The following AKAP13 variants were observed in gnomAD, a reference collection of about 807,000 sequenced individuals.
The protein encoded by AKAP13 is A-kinase anchoring protein 13, also known as A-kinase anchor protein 13.
A neutral mutation model predicts 264.5 loss-of-function variants in AKAP13; 80 were observed. That is an observed-to-expected ratio of 0.30 (90% CI 0.25 to 0.36). The LOEUF (loss-of-function observed/expected upper bound fraction) is 0.36, where lower values mean the gene tolerates loss of function less well. Among genes scored for constraint, AKAP13 ranks in the 10% least tolerant of loss-of-function variants. AKAP13 has a pLI of 1.00. For missense variants in AKAP13, 3,712 were observed against 3,435.2 expected, an observed-to-expected ratio of 1.08 and a Z score of -2.01; for synonymous variants, 1,380 against 1,250.2, an observed-to-expected ratio of 1.10 and a Z score of -2.19.
At chr15:85,636,640 A>G (rs116215977) in intron 8 of AKAP13, among the ~76,000 whole-genome samples, 1,948 of 148,850 alleles carry the variant, frequency 0.013, 45 homozygotes, top group African/African-American at 0.045. Context: ...TTTGAGGCAG[A>G]TTCTTGCTTT....
At position 85,410,216 on chromosome 15, in the gene AKAP13, C is replaced by T. The variant is rs191136233; in HGVS notation, c.-12+29418C>T. 1.8e-3 allele frequency among the ~76,000 whole-genome samples: 266 copies of T among 151,612 alleles called. 2 individuals are homozygous for T. The highest frequency in any genetic ancestry group is 3.4e-3 in the Middle Eastern group (1 of 294). On this transcript the variant is annotated intron_variant, in intron 1 of 36. Transcript: ENST00000394518. ...ATAAGCATCATGACCATGACTTCCC[C>T]GGGCTGGTCGCTCATCACCAGCTGT... is the stretch of plus-strand genomic sequence containing the variant.
intron 5 of AKAP13, chr15:85,555,378 C>T: frequency 8.0e-7 from 1 of 1,244,896 alleles, no homozygotes; most frequent in Non-Finnish European, 1.1e-6. Flanking sequence ...TGGAGCGAAA[C>T]ACGCCTTTAG....
At chr15:85,735,695 A>G in intron 32 of AKAP13, 65 bp downstream of exon 32, 1 of 1,463,320 alleles carries the variant, frequency 6.8e-7, no homozygotes, top group Non-Finnish European at 9.4e-7. Flanking sequence ...TAACCTTTGA[A>G]ATTATTTCAC....
intron 1 of AKAP13, among the ~76,000 whole-genome samples, chr15:85,442,481 A>T (rs1239283024): frequency 1.7e-5 from 2 of 117,108 alleles, no homozygotes; most frequent in Non-Finnish European, 3.4e-5. Flanking sequence ...TATATTATAT[A>T]ATATATATAA....
intron 5 of AKAP13, among the ~76,000 whole-genome samples, chr15:85,544,746 T>C (rs1340129108): frequency 6.6e-6 from 1 of 152,242 alleles, no homozygotes; most frequent in East Asian, 1.9e-4. Context: ...TTATTAGTTT[T>C]GTGGTTATCA....
At position 85,663,173 on chromosome 15, in the gene AKAP13, G is replaced by A. The variant is rs892274790; in HGVS notation, c.4800-1390G>A. Among the ~76,000 whole-genome samples, 7 of 152,104 alleles carry A rather than the reference G, an allele frequency of 4.6e-5. No individual in the cohort carries two copies. The East Asian group carries it at 7.7e-4, about 17-fold the overall frequency. On this transcript the variant is annotated intron_variant, in intron 12 of 36. Coordinates refer to ENST00000394518, the MANE Select transcript of AKAP13 (RefSeq NM_007200.5). The stretch of plus-strand genomic sequence containing the variant: ...AAAAATACAAAAATTGGCCAGACAC[G>A]GTAGCAGGTGCCTGTAATCCCAGCT...
intron 1 of AKAP13, among the ~76,000 whole-genome samples, chr15:85,458,420 A>G (rs1409539310): frequency 9.8e-6 from 1 of 102,162 alleles, no homozygotes; most frequent in Non-Finnish European, 1.8e-5. Context: ...CTATATATGT[A>G]TGGAGTGCAA....
rs537287872 is a variant in AKAP13 at position 85,525,045 on chromosome 15, T to C, written c.181+3470T>C. ...ACGTGGAGACTTTGACTTTCTATTT[T>C]ATCTATCTTTAAATTTTTTTTTTTT... On this transcript the variant is annotated intron_variant, in intron 3 of 36. Transcript: ENST00000394518. Among the ~76,000 whole-genome samples the C allele has an allele frequency of 2.7e-5, 4 of 148,640 alleles. No homozygotes were observed. The South Asian group carries it at 8.4e-4, about 31-fold the overall frequency.
intron 18 of AKAP13, among the ~76,000 whole-genome samples, chr15:85,709,925 T>TGATC (rs2086543918): frequency 6.6e-6 from 1 of 152,040 alleles, no homozygotes. Context: ...TGACCTGAGG[T>TGATC]GATCCACCCA....
In AKAP13 at chr15:85,719,152, G is replaced by A. The variant is rs79991499; in HGVS notation, c.6078G>A (p.Ala2026=). ...GTGTGTACAGCCAGGGGATGATGGC[G>A]GATCTGCTTTTTGAGCAGCAGATGG... The part of the protein sequence containing the change: ...MSGVYSQGMM[A]DLLFEQQMVE... The change falls in exon 23 of 37, where the codon GCG becomes GCA. Residue 2026 remains alanine, a synonymous_variant. Coordinates refer to ENST00000394518, the MANE Select transcript of AKAP13 (RefSeq NM_007200.5). 4.4e-3 allele frequency: 7,060 copies of A among 1,614,138 alleles called. 32 individuals carry two copies. Among genetic ancestry groups the A allele is most frequent in the Middle Eastern group, 0.016 (96 of 6,062 alleles).
At position 85,570,565 on chromosome 15, in the gene AKAP13, A is replaced by G. The variant is rs552877052; in HGVS notation, c.663-4566A>G. Reference sequence around the variant, plus strand: ...CCCTGAAGGAAAGAGGAAGAGGAAGACAGAACATGTTTCAGTGCGTTCAGC... The same window carrying G: ...CCCTGAAGGAAAGAGGAAGAGGAAGGCAGAACATGTTTCAGTGCGTTCAGC... On this transcript the variant is annotated intron_variant, in intron 5 of 36. Transcript: ENST00000394518. Among the ~76,000 whole-genome samples, 7 of 152,316 alleles carry G rather than the reference A, an allele frequency of 4.6e-5. No individual in the cohort carries two copies. In the South Asian group the frequency reaches 1.2e-3, roughly 27 times the overall value.
intron 1 of AKAP13, among the ~76,000 whole-genome samples, chr15:85,465,723 G>A (rs1285317443): frequency 4.0e-5 from 6 of 151,036 alleles, no homozygotes; most frequent in Non-Finnish European, 8.9e-5. Context: ...TGGTGTATAT[G>A]TGCCACATTT....
intron 8 of AKAP13, among the ~76,000 whole-genome samples, chr15:85,600,005 C>T (rs2079985050): frequency 6.6e-6 from 1 of 152,142 alleles, no homozygotes; most frequent in Admixed American, 6.6e-5. Flanking sequence ...TGAAATATGA[C>T]TGATGTGGAG....
intron 30 of AKAP13, among the ~76,000 whole-genome samples, chr15:85,732,151 A>G (rs1181355505): frequency 2.0e-5 from 3 of 151,592 alleles, no homozygotes; most frequent in Admixed American, 6.6e-5. Context: ...AAAGCTCAGA[A>G]TGTTCCTTTT....
At position 85,433,461 on chromosome 15, in the gene AKAP13, C is replaced by T. The variant is rs543079772; in HGVS notation, c.-11-52249C>T. On this transcript the variant is annotated intron_variant, in intron 1 of 36. Coordinates refer to ENST00000394518, the MANE Select transcript of AKAP13 (RefSeq NM_007200.5). ...TTTTCGCTTTCCTACACTTTTTCTT[C>T]GATTTCTAGGTGGAAGATGATACCA... Among the ~76,000 whole-genome samples the T allele has an allele frequency of 2.0e-4, 31 of 152,014 alleles. No individual in the cohort carries two copies. In the South Asian group the frequency reaches 5.8e-3, roughly 29 times the overall value.
intron 2 of AKAP13, among the ~76,000 whole-genome samples, chr15:85,505,036 C>A (rs2076173645): frequency 6.6e-6 from 1 of 151,952 alleles, no homozygotes; most frequent in Non-Finnish European, 1.5e-5. Flanking sequence ...CTTTGCTGGA[C>A]AAAAATAGAC....
intron 5 of AKAP13, among the ~76,000 whole-genome samples, chr15:85,545,141 C>T (rs561246183): frequency 1.3e-5 from 2 of 152,304 alleles, no homozygotes; most frequent in African/African-American, 4.8e-5. Flanking sequence ...CTGAGCTCTC[C>T]TAAGACAGTA....
At chr15:85,726,864 A>G (rs2087648892) in intron 27 of AKAP13, 1 of 615,430 alleles carries the variant, frequency 1.6e-6, no homozygotes, top group Non-Finnish European at 2.8e-6. Flanking sequence ...TTAGAGCCAT[A>G]AATTACTATT....
chr15:85,389,533 A>G (rs1014112934), intron 1 of AKAP13, among the ~76,000 whole-genome samples: 1 of 152,218 alleles, frequency 6.6e-6, no homozygotes, highest in Non-Finnish European at 1.5e-5. Context: ...TTACTCCGTC[A>G]TGGTTAGCAG....
Sources: allele counts gnomAD v4.1 joint callset (sites outside exome capture counted in the v4.1 genomes callset), GRCh38; gene constraint gnomAD v4.1.1; transcripts MANE v1.5; gene names NCBI Gene and HGNC (gene_info 2026-07-23, HGNC 2026-07-21).